RIF1: variants seen among roughly 807,000 people sequenced by gnomAD.
RIF1 encodes the protein replication timing regulatory factor 1.
Under a neutral mutation model 247.1 loss-of-function variants are expected in RIF1, and 45 were observed. The observed-to-expected ratio is 0.18, with a 90% CI of 0.14 to 0.23. RIF1 has a LOEUF of 0.23. Among genes scored for constraint, RIF1 ranks in the 10% least tolerant of loss-of-function variants. RIF1 has a pLI of 1.00. For synonymous variants in RIF1, 1,087 were observed against 978.8 expected, an observed-to-expected ratio of 1.11 and a Z score of -2.06; for missense variants, 2,967 against 2,862.5, an observed-to-expected ratio of 1.04 and a Z score of -0.83.
intron 3 of RIF1, among the ~76,000 whole-genome samples, chr2:151,413,604 A>T (rs965670994): frequency 1.3e-5 from 2 of 152,248 alleles, no homozygotes; most frequent in African/African-American, 2.4e-5. Context: ...AATGAAGATT[A>T]ATCACAAACA....
the RIF1 span, among the ~76,000 whole-genome samples, chr2:151,518,690 G>A: frequency 6.6e-6 from 1 of 152,152 alleles, no homozygotes; most frequent in Admixed American, 6.6e-5. Flanking sequence ...ATTCCAGAGG[G>A]TATTTCTATG....
chr2:151,450,676 C>T lies in RIF1; in HGVS notation c.2245-930C>T, dbSNP rs151126668. Among the ~76,000 whole-genome samples the T allele has an allele frequency of 2.2e-3, 339 of 152,178 alleles. 2 individuals are homozygous for T. The highest frequency in any genetic ancestry group is 7.9e-3 in the African/African-American group (326 of 41,524). On this transcript the variant is annotated intron_variant, in intron 20 of 35. Transcript: ENST00000444746. ...TCGGCTCACTGCAGCCTCCGCCTCCCGGGTTCAAGCAGTTCTCCTGCCCCA... is the reference window on the plus strand; with the variant it reads ...TCGGCTCACTGCAGCCTCCGCCTCCTGGGTTCAAGCAGTTCTCCTGCCCCA...
chr2:151,472,482 A>T (rs1298510969), intron 34 of RIF1, among the ~76,000 whole-genome samples: 2 of 152,186 alleles, frequency 1.3e-5, no homozygotes, highest in African/African-American at 4.8e-5. Context: ...GTTTTTGCCC[A>T]TTCAGTATGA....
At position 151,474,998 on chromosome 2, in the gene RIF1, G is replaced by T; in HGVS notation, c.7346G>T (p.Ser2449Ile). ...CTATTTGAAATGCACGAGAAACTAA[G>T]TTGTATGGCAAACTCTGTAATAAAA... The part of the protein sequence containing the change: ...SQLFEMHEKL[S>I]CMANSVIKNL... Residue 2449 changes from serine (S) to isoleucine (I), a missense_variant, in exon 36 of 36, where the codon AGT (serine) becomes ATT (isoleucine). By Grantham distance (142) the Ser-to-Ile change is moderately radical (BLOSUM62 -2). Coordinates refer to ENST00000444746, the MANE Select transcript of RIF1 (RefSeq NM_018151.5). The T allele has an allele frequency of 6.2e-7, 1 of 1,613,738 alleles. No homozygotes were observed. The highest frequency in any genetic ancestry group is 8.5e-7 in the Non-Finnish European group (1 of 1,179,750).
intron 21 of RIF1, among the ~76,000 whole-genome samples, chr2:151,453,799 G>A (rs184485168): frequency 1.7e-4 from 26 of 152,200 alleles, no homozygotes; most frequent in African/African-American, 5.1e-4. Context: ...TCCACTGTAA[G>A]GTTAATTACT....
chr2:151,494,327 G>T, intron 9 of RIF1: 2 of 981,410 alleles, frequency 2.0e-6, no homozygotes, highest in Non-Finnish European at 3.1e-6. Context: ...AAATGGTACA[G>T]ATAACTTTTG....
At chr2:151,446,307 C>A in intron 19 of RIF1, 119 bp from the exon 20 acceptor site, 80 of 922,052 alleles carry the variant, frequency 8.7e-5, no homozygotes, top group East Asian at 2.2e-4. Flanking sequence ...CCGTTAGTGT[C>A]TTTTTTGACA....
At chr2:151,433,021 T>TAA in intron 9 of RIF1, 56 bp from the exon 10 acceptor site, 1 of 1,372,188 alleles carries the variant, frequency 7.3e-7, no homozygotes, top group East Asian at 2.3e-5. Flanking sequence ...TAGCTAGTGT[T>TAA]AGAGTTAATC....
chr2:151,488,606 A>G (rs1194255301), intron 9 of RIF1, among the ~76,000 whole-genome samples: 1 of 152,092 alleles, frequency 6.6e-6, no homozygotes, highest in East Asian at 1.9e-4. Flanking sequence ...TGATCATGCC[A>G]CCACACTGCA....
intron 6 of RIF1, among the ~76,000 whole-genome samples, chr2:151,419,333 A>C (rs1687773478): frequency 6.6e-6 from 1 of 151,834 alleles, no homozygotes; most frequent in African/African-American, 2.4e-5. Context: ...TTTTTTTATT[A>C]CTATTTTTTT....
the RIF1 span, chr2:151,526,315 A>G: frequency 1.6e-6 from 2 of 1,214,780 alleles, no homozygotes; most frequent in South Asian, 1.3e-5. Context: ...TATCCTACAT[A>G]TTTTTATTAC....
intron 11 of RIF1, among the ~76,000 whole-genome samples, chr2:151,499,767 C>G (rs2063025656): frequency 6.6e-6 from 1 of 152,186 alleles, no homozygotes; most frequent in Non-Finnish European, 1.5e-5. Flanking sequence ...TACGGTCTAA[C>G]AAATATTTAA....
intron 10 of RIF1, among the ~76,000 whole-genome samples, chr2:151,498,891 T>TA (rs66881625): frequency 3.3e-5 from 5 of 150,324 alleles, no homozygotes; most frequent in South Asian, 2.1e-4. Flanking sequence ...GATAAGGTGC[T>TA]AAAAAAAAGA....
the RIF1 span, among the ~76,000 whole-genome samples, chr2:151,514,077 AAAT>A: frequency 1.6e-4 from 24 of 152,352 alleles, no homozygotes; most frequent in South Asian, 6.2e-4. Context: ...AAGTTAAATC[AAAT>A]AATATTAGAT....
chr2:151,442,022 T>C, intron 16 of RIF1, 31 bp downstream of exon 16: 1 of 789,170 alleles, frequency 1.3e-6, no homozygotes, highest in Non-Finnish European at 1.9e-6. Context: ...ATGATGAAGA[T>C]TGGCCAAAAA....
At chr2:151,514,818 C>T in the RIF1 span, 2 of 1,561,500 alleles carry the variant, frequency 1.3e-6, no homozygotes, top group Non-Finnish European at 1.7e-6. Flanking sequence ...TGGGCACTAC[C>T]TCGCTTGCTA....
chr2:151,475,231 T>G lies in RIF1; in HGVS notation c.*160T>G, dbSNP rs16830067. 0.26 allele frequency: 157,020 copies of G among 606,976 alleles called. 22,140 individuals are homozygous for G. The highest frequency in any genetic ancestry group is 0.37 in the Admixed American group (11,747 of 31,770). The allele number at this position is 606,976 out of a possible 1,614,324, so 37.6% of individuals were successfully genotyped here. A position where few individuals can be genotyped will look rare whatever the true frequency, so the allele number is the denominator to read the frequency against. On this transcript the variant is annotated 3_prime_UTR_variant, in exon 36 of 36. Transcript: ENST00000444746. ...CAGTGACTTATTATGTAAGTTCAATTTTGTAAGTTCATTATGTAAGATCCT... is the reference window on the plus strand; with the variant it reads ...CAGTGACTTATTATGTAAGTTCAATGTTGTAAGTTCATTATGTAAGATCCT...
At chr2:151,525,819 G>C in the RIF1 span, 1 of 756,082 alleles carries the variant, frequency 1.3e-6, no homozygotes, top group Non-Finnish European at 2.4e-6. Flanking sequence ...TTAAAAGTCA[G>C]AGTTTAAGAT....
At chr2:151,534,178 G>A in the RIF1 span, 4 of 1,491,310 alleles carry the variant, frequency 2.7e-6, no homozygotes, top group Admixed American at 6.7e-5. Flanking sequence ...TGGGAGCACA[G>A]TCCTGCCTGG....
Sources: allele counts gnomAD v4.1 joint callset (sites outside exome capture counted in the v4.1 genomes callset), GRCh38; gene constraint gnomAD v4.1.1; transcripts MANE v1.5; gene names NCBI Gene and HGNC (gene_info 2026-07-23, HGNC 2026-07-21).